The following ZBTB7A variants were observed in gnomAD, a reference collection of about 807,000 sequenced individuals.
ZBTB7A encodes the protein zinc finger and BTB domain containing 7A.
A neutral mutation model predicts 26.7 loss-of-function variants in ZBTB7A; 7 were observed. The observed-to-expected ratio is 0.26, with a 90% CI of 0.15 to 0.49. ZBTB7A has a LOEUF of 0.49. ZBTB7A is among the 20% of genes least tolerant of loss of function. The pLI is 0.98. For missense variants in ZBTB7A, 617 were observed against 919.5 expected (o/e 0.67, Z 4.25); for synonymous variants, 452 against 441.0 (o/e 1.02, Z -0.31).
At chr19:4,058,957 G>A (rs1264894922) in intron 1 of ZBTB7A, among the ~76,000 whole-genome samples, 13 of 152,332 alleles carry the variant, frequency 8.5e-5, no homozygotes, top group Non-Finnish European at 1.5e-4. Context: ...GTGGTGGGGC[G>A]GTGGGCTCAG....
chr19:4,063,012 C>T (rs2040655368), intron 1 of ZBTB7A, among the ~76,000 whole-genome samples: 2 of 150,500 alleles, frequency 1.3e-5, no homozygotes, highest in African/African-American at 2.4e-5. Context: ...CCACCCAAGG[C>T]TCACCCCCAC....
At chr19:4,053,455 G>A (rs2144987260) in intron 2 of ZBTB7A, among the ~76,000 whole-genome samples, 1 of 152,256 alleles carries the variant, frequency 6.6e-6, no homozygotes, top group East Asian at 1.9e-4. Flanking sequence ...GTGTGCATGT[G>A]CCTGCATGCA....
At chr19:4,066,358 A>C in intron 1 of ZBTB7A, among the ~76,000 whole-genome samples, 1 of 136,962 alleles carries the variant, frequency 7.3e-6, no homozygotes, top group Non-Finnish European at 1.6e-5. Flanking sequence ...CCCACCCTCA[A>C]TGCAGCCCTG....
At chr19:4,063,149 C>T (rs1267081956) in intron 1 of ZBTB7A, among the ~76,000 whole-genome samples, 2 of 152,148 alleles carry the variant, frequency 1.3e-5, no homozygotes, top group Non-Finnish European at 2.9e-5. Context: ...CAGGTCTCTG[C>T]CATGCCCTGA....
rs1339505806 is a variant in ZBTB7A at position 4,054,413 on chromosome 19, G to A, written c.820C>T (p.Arg274Cys). 4 of 1,371,488 alleles carry A rather than the reference G, an allele frequency of 2.9e-6. No individual in the cohort carries two copies. Among genetic ancestry groups the A allele is most frequent in the South Asian group, 1.6e-5 (1 of 61,556 alleles). The allele number at this position is 1,371,488 out of a possible 1,614,324, so 85.0% of individuals were successfully genotyped here. A position where few individuals can be genotyped will look rare whatever the true frequency, so the allele number is the denominator to read the frequency against. Residue 274 changes from arginine (R) to cysteine (C), a missense_variant, in exon 2 of 3, where the codon CGC (arginine) becomes TGC (cysteine). Transcript: ENST00000322357. ...GAGGCGGCCTCCTCCTCTCCGCCGC[G>A]GCCGTAGTGGCCGTTCTGCGTGGCG... ...PAATQNGHYG[R>C]GGEEEAASLS...
intron 2 of ZBTB7A, among the ~76,000 whole-genome samples, chr19:4,049,146 A>ATGTG: frequency 2.9e-5 from 1 of 34,652 alleles, no homozygotes; most frequent in South Asian, 8.6e-4. Flanking sequence ...CTATTAAACT[A>ATGTG]TATGTGTGTG....
intron 1 of ZBTB7A, among the ~76,000 whole-genome samples, chr19:4,058,083 G>T (rs1293924120): frequency 1.3e-5 from 2 of 152,200 alleles, no homozygotes; most frequent in Non-Finnish European, 2.9e-5. Context: ...CCCAGCTGAG[G>T]TCAAGGCCAC....
chr19:4,043,707 C>A lies in ZBTB7A; in HGVS notation c.*4045G>T, dbSNP rs1424631391. On this transcript the variant is annotated 3_prime_UTR_variant, in exon 3 of 3. Coordinates refer to ENST00000322357, the MANE Select transcript of ZBTB7A (RefSeq NM_015898.4). ...ATGGGGGTCTCCCTGGCCCCCTCCA[C>A]CCCCTGGGCCCGGCCCCCCCCCCCC... Among the ~76,000 whole-genome samples, 4 of 61,182 alleles carry A rather than the reference C, an allele frequency of 6.5e-5. No homozygotes were observed. Among genetic ancestry groups the A allele is most frequent in the Non-Finnish European group, 8.9e-5 (3 of 33,780 alleles). 40.1% of individuals were successfully genotyped at this position (61,182 alleles called of 152,430 possible).
intron 2 of ZBTB7A, among the ~76,000 whole-genome samples, chr19:4,050,275 G>T (rs1359411628): frequency 6.6e-6 from 1 of 152,096 alleles, no homozygotes; most frequent in East Asian, 1.9e-4. Context: ...TGGCTGGGCT[G>T]GTCTTGAACT....
chr19:4,049,170 A>ATG (rs2040468089), intron 2 of ZBTB7A, among the ~76,000 whole-genome samples: 5 of 14,712 alleles, frequency 3.4e-4, no homozygotes, highest in East Asian at 5.0e-3. Flanking sequence ...GTGTGTGTGT[A>ATG]TATATATATA....
intron 1 of ZBTB7A, among the ~76,000 whole-genome samples, chr19:4,056,941 C>G (rs532089148): frequency 2.0e-5 from 3 of 148,900 alleles, no homozygotes; most frequent in Admixed American, 6.8e-5. Flanking sequence ...GCAGAAGAAT[C>G]GCTTGAACCC....
Position 4,054,410 on chromosome 19 carries a change from CGCGGCCGTAGTGGCCGTTCTGCGTG to C in ZBTB7A, c.798_822del (p.Thr267AlafsTer49). ...AGCGAGGCGGCCTCCTCCTCTCCGC[CGCGGCCGTAGTGGCCGTTCTGCGTG>C]GCGGCCGGCGGGGCCACCGGCGGCG... On this transcript the variant is annotated frameshift_variant, in exon 2 of 3. Transcript: ENST00000322357. LOFTEE classifies it high-confidence loss of function. 1 of 1,383,932 alleles carries C rather than the reference CGCGGCCGTAGTGGCCGTTCTGCGTG, an allele frequency of 7.2e-7. No homozygotes were observed. The highest frequency in any genetic ancestry group is 9.3e-7 in the Non-Finnish European group (1 of 1,080,148). The allele number at this position is 1,383,932 out of a possible 1,614,324, so 85.7% of individuals were successfully genotyped here.
rs1436389480 is a variant in ZBTB7A at position 4,055,223 on chromosome 19, C to T, written c.10G>A (p.Gly4Ser). The T allele has an allele frequency of 3.3e-6, 5 of 1,515,760 alleles. No homozygotes were observed. Among genetic ancestry groups the T allele is most frequent in the South Asian group, 1.3e-5 (1 of 78,286 alleles). 93.9% of individuals were successfully genotyped at this position (1,515,760 alleles called of 1,614,324 possible). A position where few individuals can be genotyped will look rare whatever the true frequency, so the allele number is the denominator to read the frequency against. Reference protein sequence around the residue: MAGGVDGPIGIPFP... With the variant: MAGSVDGPIGIPFP... ...GGGATCCCGATGGGGCCGTCCACGC[C>T]GCCGGCCATCTTCCGCGCCGAGACC... Residue 4 changes from glycine (G) to serine (S), a missense_variant, in exon 2 of 3, where the codon GGC (glycine) becomes AGC (serine). Around this residue, in one of 5 missense-constraint regions of ZBTB7A, gnomAD observed 82 missense variants for 195.2 expected, o/e 0.42. Transcript: ENST00000322357.
In ZBTB7A at chr19:4,046,428, CTCGCTT is replaced by C. The variant is rs1422263981; in HGVS notation, c.*1318_*1323del. On this transcript the variant is annotated 3_prime_UTR_variant, in exon 3 of 3. Transcript: ENST00000322357. ...GCTCTCTCTCTCGCTCTCTCTCTCGCTCGCTTTTTTTTTTTTTTTTTGTCTTTTCAA... is the reference window on the plus strand; with the variant it reads ...GCTCTCTCTCTCGCTCTCTCTCTCGCTTTTTTTTTTTTTTTGTCTTTTCAA... 2.5e-4 allele frequency: 28 copies of C among 113,068 alleles called. No homozygotes were observed. The highest frequency in any genetic ancestry group is 1.7e-3 in the South Asian group (5 of 2,934). 7.0% of individuals were successfully genotyped at this position (113,068 alleles called of 1,614,324 possible).
intron 1 of ZBTB7A, 134 bp from the exon 2 acceptor site, chr19:4,055,381 T>C: frequency 7.2e-7 from 1 of 1,392,828 alleles, no homozygotes; most frequent in Non-Finnish European, 9.3e-7. Flanking sequence ...CACCTGCACG[T>C]GAAGGCGGTC....
chr19:4,049,727 G>A (rs1220314581), intron 2 of ZBTB7A, among the ~76,000 whole-genome samples: 1 of 152,092 alleles, frequency 6.6e-6, no homozygotes. Flanking sequence ...TCACTTCAGC[G>A]TCACTCCCCT....
At chr19:4,060,909 C>CA (rs1729449581) in intron 1 of ZBTB7A, among the ~76,000 whole-genome samples, 1 of 152,150 alleles carries the variant, frequency 6.6e-6, no homozygotes. Context: ...GGAAGGAGGC[C>CA]AAAGGGACCT....
chr19:4,060,105 G>A (rs769416199), intron 1 of ZBTB7A, among the ~76,000 whole-genome samples: 40 of 151,892 alleles, frequency 2.6e-4, no homozygotes, highest in African/African-American at 6.5e-4. Context: ...TGGGATTTCC[G>A]GGGCTGCTTG....
chr19:4,048,006 G>C lies in ZBTB7A; in HGVS notation c.1501C>G (p.Pro501Ala), dbSNP rs867826546. The part of the protein sequence containing the change: ...NGVPSRRGRK[P>A]RVRGGAPDPS... ...TCGGGCGCCCCGCCCCGGACGCGGG[G>C]CTTGCGGCCGCGGCGCGAGGGGACG... The change falls in exon 3 of 3, where the codon CCC becomes GCC. Residue 501 changes from proline to alanine, a missense_variant. Around this residue, in one of 5 missense-constraint regions of ZBTB7A, gnomAD observed 27 missense variants for 38.7 expected, o/e 0.70. Coordinates refer to ENST00000322357, the MANE Select transcript of ZBTB7A (RefSeq NM_015898.4). This position sits in a 1 kb window ranked among gnomAD's most constrained non-coding sequence, Gnocchi z 6.7. The C allele has an allele frequency of 7.1e-7, 1 of 1,415,874 alleles. No individual in the cohort carries two copies. Among genetic ancestry groups the C allele is most frequent in the East Asian group, 2.9e-5 (1 of 34,794 alleles). 87.7% of individuals were successfully genotyped at this position (1,415,874 alleles called of 1,614,324 possible). A position where few individuals can be genotyped will look rare whatever the true frequency, so the allele number is the denominator to read the frequency against.
Sources: allele counts gnomAD v4.1 joint callset (sites outside exome capture counted in the v4.1 genomes callset), GRCh38; gene constraint gnomAD v4.1.1; regional missense constraint gnomAD v4.1.1; non-coding constraint Gnocchi (gnomAD v3.1); transcripts MANE v1.5; gene names NCBI Gene and HGNC (gene_info 2026-07-23, HGNC 2026-07-21).